MANBA: variants seen among roughly 807,000 people sequenced by gnomAD.
MANBA encodes mannosidase beta.
MANBA carries 83 observed loss-of-function variants against 111.1 expected under a neutral mutation model. That is an observed-to-expected ratio of 0.75 (90% CI 0.63 to 0.90). The LOEUF (loss-of-function observed/expected upper bound fraction) is 0.90. Ranked by LOEUF, MANBA falls within the 40% of genes least tolerant of loss-of-function variation. The pLI, the probability that MANBA is intolerant of heterozygous loss-of-function variation, is 0.00. For missense variants in MANBA, 1,036 were observed against 1,069.0 expected, an observed-to-expected ratio of 0.97 and a Z score of 0.43; for synonymous variants, 370 against 378.7, an observed-to-expected ratio of 0.98 and a Z score of 0.27.
At chr4:102,729,900 T>A in intron 1 of MANBA, 1 of 1,528,524 alleles carries the variant, frequency 6.5e-7, no homozygotes, top group Non-Finnish European at 9.1e-7. Flanking sequence ...CTGCTGCTTC[T>A]CCTGGGTGCG....
intron 7 of MANBA, chr4:102,682,635 T>C (rs1033749739): frequency 1.3e-5 from 2 of 152,234 alleles, no homozygotes; most frequent in African/African-American, 4.8e-5. Context: ...ATATTTAGTT[T>C]AGTTAAAATG....
chr4:102,712,759 G>T (rs1292603032), intron 5 of MANBA, among the ~76,000 whole-genome samples: 2 of 152,056 alleles, frequency 1.3e-5, no homozygotes, highest in African/African-American at 4.8e-5. Flanking sequence ...TAACTCTTAG[G>T]CTCAGGGAAT....
chr4:102,704,126 A>G (rs891834781), intron 5 of MANBA, among the ~76,000 whole-genome samples: 2 of 152,016 alleles, frequency 1.3e-5, no homozygotes, highest in Admixed American at 6.6e-5. Context: ...TTGATCCCAA[A>G]TGCTGAACGT....
chr4:102,752,200 A>G (rs1294273416), intron 1 of MANBA: 19 of 841,622 alleles, frequency 2.3e-5, no homozygotes, highest in East Asian at 1.2e-4. Context: ...TCTGCAGTGC[A>G]TCTTGGGACC....
intron 7 of MANBA, among the ~76,000 whole-genome samples, chr4:102,684,271 G>C (rs1253287066): frequency 6.6e-6 from 1 of 152,192 alleles, no homozygotes; most frequent in Non-Finnish European, 1.5e-5. Flanking sequence ...AAGAGCAATA[G>C]AGGTGAAATA....
chr4:102,637,477 C>T (rs933527254), intron 14 of MANBA, among the ~76,000 whole-genome samples: 6 of 152,176 alleles, frequency 3.9e-5, no homozygotes, highest in Non-Finnish European at 8.8e-5. Flanking sequence ...TGCTGTGTTT[C>T]CCCACTCAGT....
intron 5 of MANBA, among the ~76,000 whole-genome samples, chr4:102,692,259 G>A (rs1345857018): frequency 1.3e-5 from 2 of 152,118 alleles, no homozygotes; most frequent in African/African-American, 2.4e-5. Flanking sequence ...ACAGAGAGGA[G>A]GCAAAGAAGA....
intron 11 of MANBA, 79 bp downstream of exon 11, chr4:102,664,606 G>A (rs572972667): frequency 7.7e-7 from 1 of 1,292,938 alleles, no homozygotes; most frequent in Admixed American, 1.7e-5. Context: ...CCAAAGTGCT[G>A]GGATTACAGG....
rs200133664 is a variant in MANBA at position 102,664,740 on chromosome 4, T to G, written c.1430A>C (p.Tyr477Ser). The change falls in exon 11 of 17, where the codon TAC (tyrosine) becomes TCC (serine). Residue 477 changes from tyrosine (Y) to serine (S), a missense_variant. Coordinates refer to ENST00000647097, the MANE Select transcript of MANBA (RefSeq NM_005908.4). Reference sequence around the variant, plus strand: ...ATAGAGTGTCACATAGTCCTTGATGTAGATTGGCCGGTCAGTGAAACTGAT... The same window carrying G: ...ATAGAGTGTCACATAGTCCTTGATGGAGATTGGCCGGTCAGTGAAACTGAT... ...YHISFTDRPI[Y>S]IKDYVTLYVK... 1.2e-6 allele frequency: 2 copies of G among 1,613,456 alleles called. No individual in the cohort carries two copies. The highest frequency in any genetic ancestry group is 1.7e-5 in the Admixed American group (1 of 60,034).
chr4:102,709,483 T>C (rs1234796752), intron 5 of MANBA, among the ~76,000 whole-genome samples: 2 of 151,894 alleles, frequency 1.3e-5, no homozygotes, highest in Non-Finnish European at 2.9e-5. Flanking sequence ...TAATAATAAG[T>C]AGCAAGACTG....
At chr4:102,739,873 G>C (rs1304338377) in intron 1 of MANBA, among the ~76,000 whole-genome samples, 1 of 152,186 alleles carries the variant, frequency 6.6e-6, no homozygotes, top group Non-Finnish European at 1.5e-5. Flanking sequence ...TTCCCCCTGA[G>C]AACTGGAACA....
At chr4:102,694,968 G>A (rs1732641140) in intron 5 of MANBA, among the ~76,000 whole-genome samples, 1 of 152,044 alleles carries the variant, frequency 6.6e-6, no homozygotes, top group South Asian at 2.1e-4. Flanking sequence ...ATGTGGTTCT[G>A]GCCACTAATT....
intron 5 of MANBA, among the ~76,000 whole-genome samples, chr4:102,705,395 A>C (rs371770958): frequency 9.2e-5 from 14 of 152,286 alleles, no homozygotes; most frequent in African/African-American, 3.1e-4. Flanking sequence ...TGGGCTTAAT[A>C]GCCCCTACAT....
chr4:102,726,219 A>G (rs901081129), intron 2 of MANBA, among the ~76,000 whole-genome samples: 1 of 152,126 alleles, frequency 6.6e-6, no homozygotes, highest in Non-Finnish European at 1.5e-5. Flanking sequence ...ATAACAGAAC[A>G]TTACTGAAAA....
chr4:102,756,628 CAAAAAAAGGGA>C (rs1014499073), intron 1 of MANBA, among the ~76,000 whole-genome samples: 4 of 148,560 alleles, frequency 2.7e-5, no homozygotes, highest in African/African-American at 5.0e-5. Flanking sequence ...TAAAGTATAA[CAAAAAAAGGGA>C]AAAAATAAAA....
At chr4:102,658,716 T>A (rs1730701935) in intron 11 of MANBA, 1 of 152,200 alleles carries the variant, frequency 6.6e-6, no homozygotes, top group African/African-American at 2.4e-5. Context: ...CTGCCCCCAT[T>A]TGCAGCTGAG....
Position 102,639,851 on chromosome 4 carries a change from G to T in MANBA, c.1876C>A (p.Gln626Lys). The T allele has an allele frequency of 1.2e-6, 2 of 1,614,056 alleles. No individual in the cohort carries two copies. Among genetic ancestry groups the T allele is most frequent in the Non-Finnish European group, 1.7e-6 (2 of 1,179,956 alleles). ...GTTTCTGTTTTGACACACTGGGCCT[G>T]CATCACCTGATTCAGGAAAACATTC... ...KDTIYLTQVM[Q>K]AQCVKTETEF... is the part of the protein sequence containing the mutation. The change falls in exon 14 of 17, where the codon CAG (glutamine) becomes AAG (lysine). Residue 626 changes from glutamine to lysine, a missense_variant. Physicochemically the swap from Gln to Lys is moderately conservative, Grantham distance 53. Transcript: ENST00000647097.
rs60919570 is a variant in MANBA, at chr4:102,711,063, T to G, written c.673+3375A>C. 1.8e-4 allele frequency among the ~76,000 whole-genome samples: 28 copies of G among 152,196 alleles called. No individual in the cohort carries two copies. In the East Asian group the frequency reaches 4.8e-3, roughly 26 times the overall value. ...TTCAAGACATCGATCTAGACAAAGA[T>G]TTTTATAGCTAAGACCTCAAAAGCA... On this transcript the variant is annotated intron_variant, in intron 5 of 16. Transcript: ENST00000647097.
At chr4:102,702,052 T>G (rs1364442983) in intron 5 of MANBA, among the ~76,000 whole-genome samples, 2 of 151,910 alleles carry the variant, frequency 1.3e-5, no homozygotes, top group Non-Finnish European at 2.9e-5. Flanking sequence ...GGAGGCTTTG[T>G]TCGTTTCTTT....
Sources: allele counts gnomAD v4.1 joint callset (sites outside exome capture counted in the v4.1 genomes callset), GRCh38; gene constraint gnomAD v4.1.1; transcripts MANE v1.5; gene names NCBI Gene and HGNC (gene_info 2026-07-23, HGNC 2026-07-21).